Variants in PRDX3 observed in about 807,000 individuals in gnomAD.
PRDX3 encodes the protein peroxiredoxin 3.
In PRDX3, 20 loss-of-function variants were observed where a neutral mutation model predicts 30.4. That is an observed-to-expected ratio of 0.66 (90% CI 0.46 to 0.96). The LOEUF (loss-of-function observed/expected upper bound fraction) is 0.96, where lower values mean the gene tolerates loss of function less well. PRDX3 is among the 40% of genes least tolerant of loss of function. The pLI is 0.00. For missense variants in PRDX3, 322 were observed against 318.3 expected (o/e 1.01, Z -0.09); for synonymous variants, 124 against 117.8 (o/e 1.05, Z -0.34).
intron 4 of PRDX3, 128 bp downstream of exon 4, chr10:119,173,609 C>CAAA (rs982971792): frequency 7.6e-4 from 725 of 957,876 alleles, no homozygotes; most frequent in East Asian, 1.5e-3. Context: ...AGCTCCGTCT[C>CAAA]AAAAAAAAAA....
chr10:119,177,574 G>C (rs1848067838), intron 1 of PRDX3, among the ~76,000 whole-genome samples: 1 of 150,014 alleles, frequency 6.7e-6, no homozygotes, highest in Non-Finnish European at 1.5e-5. Context: ...CAGGAGAATT[G>C]CTTGAACCCG....
Position 119,174,491 on chromosome 10 carries a change from T to G in PRDX3, c.271A>C (p.Lys91Gln), listed in dbSNP as rs776281672. ...EFKDLSLDDF[K>Q]GKYLVLFFYP... ...AAGAAAAGCACCAAATATTTCCCCT[T>G]AAAGTCATCAAGGCTTAGGTCTTTG... is the stretch of plus-strand genomic sequence containing the variant. The change falls in exon 3 of 7, where the codon AAG becomes CAG. Residue 91 changes from lysine (K) to glutamine (Q), a missense_variant. Coordinates refer to ENST00000298510, the MANE Select transcript of PRDX3 (RefSeq NM_006793.5). 1.2e-6 allele frequency: 2 copies of G among 1,611,724 alleles called. No individual in the cohort carries two copies. The highest frequency in any genetic ancestry group is 1.1e-5 in the South Asian group (1 of 90,610).
In PRDX3 at chr10:119,168,235, G is replaced by A; in HGVS notation, c.*245C>T. ...ATAGCCTTCTATAGAGGCAAATTAT[G>A]TTCTGTAGAAACTAGCTAGCCAGCC... On this transcript the variant is annotated 3_prime_UTR_variant, in exon 7 of 7. Coordinates refer to ENST00000298510, the MANE Select transcript of PRDX3 (RefSeq NM_006793.5). 1 of 645,698 alleles carries A rather than the reference G, an allele frequency of 1.5e-6. No homozygotes were observed. The highest frequency in any genetic ancestry group is 2.2e-5 in the South Asian group (1 of 45,266). 40.0% of individuals were successfully genotyped at this position (645,698 alleles called of 1,614,324 possible). A position where few individuals can be genotyped will look rare whatever the true frequency, so the allele number is the denominator to read the frequency against.
At chr10:119,176,119 T>A (rs1848019998) in intron 2 of PRDX3, among the ~76,000 whole-genome samples, 2 of 151,266 alleles carry the variant, frequency 1.3e-5, no homozygotes, top group South Asian at 4.2e-4. Context: ...TGAGGGGAGG[T>A]ATGGGGCAGA....
chr10:119,168,373 A>T lies in PRDX3; in HGVS notation c.*107T>A. The T allele has an allele frequency of 1.3e-6, 2 of 1,564,414 alleles. No homozygotes were observed. Among genetic ancestry groups the T allele is most frequent in the Non-Finnish European group, 8.6e-7 (1 of 1,161,750 alleles). On this transcript the variant is annotated 3_prime_UTR_variant, in exon 7 of 7. Coordinates refer to ENST00000298510, the MANE Select transcript of PRDX3 (RefSeq NM_006793.5). Reference sequence around the variant, plus strand: ...TAGAGTAATACTTATGAATACAAGCATAATTGGTTCCTTGCCTTCTACAAA... The same window carrying T: ...TAGAGTAATACTTATGAATACAAGCTTAATTGGTTCCTTGCCTTCTACAAA...
At position 119,168,488 on chromosome 10, in the gene PRDX3, T is replaced by C; in HGVS notation, c.763A>G (p.Asn255Asp). Reference sequence around the variant, plus strand: ...AGATACACATGGGTGATCTACTGATTTACCTTCTGAAAGTACTCTTTGGAA... The same window carrying C: ...AGATACACATGGGTGATCTACTGATCTACCTTCTGAAAGTACTCTTTGGAA... ...AASKEYFQKV[N>D]Q Residue 255 changes from asparagine to aspartate, a missense_variant, in exon 7 of 7, where the codon AAT becomes GAT. Transcript: ENST00000298510. 13 of 1,613,862 alleles carry C rather than the reference T, an allele frequency of 8.1e-6. No homozygotes were observed. The highest frequency in any genetic ancestry group is 1.1e-5 in the Non-Finnish European group (13 of 1,179,994).
rs770861037 is a variant in PRDX3 at position 119,173,784 on chromosome 10, C to T, written c.400G>A (p.Val134Met). ...GCAAGATGGCTAAAGTGGGAATCCA[C>T]TGAGACTGCGACAACTTCACAGTTC... ...DVNCEVVAVS[V>M]DSHFSHLAWI... The change falls in exon 4 of 7, where the codon GTG (valine) becomes ATG (methionine). Residue 134 changes from valine to methionine, a missense_variant. Physicochemically the swap from Val to Met is conservative, Grantham distance 21 (BLOSUM62 1). Coordinates refer to ENST00000298510, the MANE Select transcript of PRDX3 (RefSeq NM_006793.5). 1 of 1,612,668 alleles carries T rather than the reference C, an allele frequency of 6.2e-7. No homozygotes were observed. The highest frequency in any genetic ancestry group is 2.2e-5 in the East Asian group (1 of 44,888).
At position 119,178,752 on chromosome 10, in the gene PRDX3, C is replaced by A; in HGVS notation, c.36+3G>T. 6.4e-7 allele frequency: 1 copy of A among 1,552,006 alleles called. No homozygotes were observed. Among genetic ancestry groups the A allele is most frequent in the East Asian group, 2.4e-5 (1 of 40,978 alleles). ...CGCCTGTCCCCAGCCGACAGCCACT[C>A]ACCGACGCTCGGAGCAACCGTCCTA... On this transcript the variant is annotated splice_donor_region_variant and intron_variant, in intron 1 of 6. Coordinates refer to ENST00000298510, the MANE Select transcript of PRDX3 (RefSeq NM_006793.5).
chr10:119,172,995 G>A (rs191841110), intron 4 of PRDX3, among the ~76,000 whole-genome samples: 125 of 152,192 alleles, frequency 8.2e-4, no homozygotes, highest in African/African-American at 3.0e-3. Context: ...CTGGAGTGCA[G>A]TGGTGCGATC....
chr10:119,173,848 A>C lies in PRDX3; in HGVS notation c.336T>G (p.Ile112Met). Residue 112 changes from isoleucine to methionine, a missense_variant, in exon 4 of 7, where the codon ATT (isoleucine) becomes ATG (methionine). Coordinates refer to ENST00000298510, the MANE Select transcript of PRDX3 (RefSeq NM_006793.5). ...LDFTFVCPTE[I>M]VAFSDKANEF... ...CGTTAGCTTTGTCACTAAAAGCAAC[A>C]ATTTCTGTAGGACACACAAAGGTGC... The C allele has an allele frequency of 1.2e-6, 2 of 1,611,676 alleles. No individual in the cohort carries two copies. The highest frequency in any genetic ancestry group is 1.7e-6 in the Non-Finnish European group (2 of 1,178,046).
intron 2 of PRDX3, among the ~76,000 whole-genome samples, chr10:119,175,749 G>A (rs995645408): frequency 1.3e-5 from 2 of 149,082 alleles, no homozygotes; most frequent in Admixed American, 1.4e-4. Context: ...GGAGCAGGAG[G>A]AAGGGGGAGA....
Position 119,167,843 on chromosome 10 carries a change from A to C in PRDX3, c.*637T>G, listed in dbSNP as rs1847802826. ...CCTTTATAATCGATTACACTAATCA[A>C]TATCTAGAAATATACATAGACAAAG... On this transcript the variant is annotated 3_prime_UTR_variant, in exon 7 of 7. Coordinates refer to ENST00000298510, the MANE Select transcript of PRDX3 (RefSeq NM_006793.5). The C allele has an allele frequency of 6.6e-6, 1 of 152,288 alleles. No individual in the cohort carries two copies. Among genetic ancestry groups the C allele is most frequent in the Non-Finnish European group, 1.5e-5 (1 of 68,060 alleles). 9.4% of individuals were successfully genotyped at this position (152,288 alleles called of 1,614,324 possible).
intron 5 of PRDX3, 96 bp downstream of exon 5, chr10:119,172,286 A>T: frequency 9.0e-7 from 1 of 1,110,172 alleles, no homozygotes; most frequent in Non-Finnish European, 1.3e-6. Context: ...TTCTGGTTTT[A>T]AAAATGCTTT....
rs34258458 is a variant in PRDX3, at chr10:119,176,125, G to A, written c.169+896C>T. ...TAGACGTATTGAGGGGAGGTATGGG[G>A]CAGAAAGAACAGAAAGGAATGGATG... On this transcript the variant is annotated intron_variant, in intron 2 of 6. Coordinates refer to ENST00000298510, the MANE Select transcript of PRDX3 (RefSeq NM_006793.5). Among the ~76,000 whole-genome samples the A allele has an allele frequency of 1.4e-3, 216 of 152,132 alleles. 2 individuals are homozygous for A. The highest frequency in any genetic ancestry group is 3.3e-3 in the Admixed American group (50 of 15,266).
At chr10:119,176,325 A>G (rs1161984170) in intron 2 of PRDX3, among the ~76,000 whole-genome samples, 1 of 152,204 alleles carries the variant, frequency 6.6e-6, no homozygotes, top group Non-Finnish European at 1.5e-5. Flanking sequence ...CATCACTACT[A>G]GAAATATTTT....
intron 2 of PRDX3, 166 bp from the exon 3 acceptor site, chr10:119,174,758 G>C: frequency 1.6e-6 from 1 of 619,354 alleles, no homozygotes; most frequent in Non-Finnish European, 2.6e-6. Flanking sequence ...TGCCACCTGT[G>C]GGGGGATTGG....
intron 5 of PRDX3, among the ~76,000 whole-genome samples, chr10:119,171,165 C>T (rs544309269): frequency 6.6e-6 from 1 of 151,972 alleles, no homozygotes. Context: ...CTCAGCCTCC[C>T]GAGTAGCTGG....
intron 5 of PRDX3, 153 bp from the exon 6 acceptor site, chr10:119,169,495 A>G (rs1847855431): frequency 1.6e-6 from 1 of 644,372 alleles, no homozygotes; most frequent in Non-Finnish European, 2.6e-6. Context: ...GTTGTGCAAA[A>G]AACTTATCAT....
intron 5 of PRDX3, 142 bp from the exon 6 acceptor site, chr10:119,169,484 T>C (rs546450031): frequency 2.8e-6 from 2 of 719,360 alleles, no homozygotes; most frequent in South Asian, 4.2e-5. Flanking sequence ...GGGTTTTCAC[T>C]GTTGTGCAAA....
Sources: allele counts gnomAD v4.1 joint callset (sites outside exome capture counted in the v4.1 genomes callset), GRCh38; gene constraint gnomAD v4.1.1; transcripts MANE v1.5; gene names NCBI Gene and HGNC (gene_info 2026-07-23, HGNC 2026-07-21).